LOXHD1: variants seen among roughly 807,000 people sequenced by gnomAD.
LOXHD1 encodes lipoxygenase homology domain-containing protein 1.
A neutral mutation model predicts 248.2 loss-of-function variants in LOXHD1; 205 were observed. That is an observed-to-expected ratio of 0.83 (90% CI 0.74 to 0.93). The LOEUF is 0.93. Ranked by LOEUF, LOXHD1 falls within the 40% of genes least tolerant of loss-of-function variation. LOXHD1 has a pLI of 0.00. For missense variants in LOXHD1, 2,930 were observed against 2,971.6 expected, an observed-to-expected ratio of 0.99 and a Z score of 0.33; for synonymous variants, 1,113 against 1,162.8, an observed-to-expected ratio of 0.96 and a Z score of 0.87.
At chr18:46,652,042 T>A (rs1443079340) in intron 1 of LOXHD1, among the ~76,000 whole-genome samples, 2 of 152,262 alleles carry the variant, frequency 1.3e-5, no homozygotes, top group African/African-American at 4.8e-5. Flanking sequence ...TACAACAGAA[T>A]GCTACTCAGC....
At chr18:46,527,004 G>C (rs2035857361) in intron 29 of LOXHD1, among the ~76,000 whole-genome samples, 1 of 152,106 alleles carries the variant, frequency 6.6e-6, no homozygotes, top group Non-Finnish European at 1.5e-5. Flanking sequence ...AGGTCACATG[G>C]TTAGTAACTG....
intron 4 of LOXHD1, among the ~76,000 whole-genome samples, chr18:46,618,870 T>C (rs2038627695): frequency 6.6e-6 from 1 of 152,244 alleles, no homozygotes. Context: ...CAATAGTGGC[T>C]GGCATGCTTA....
At chr18:46,514,850 G>T (rs904609105) in intron 34 of LOXHD1, among the ~76,000 whole-genome samples, 1 of 152,112 alleles carries the variant, frequency 6.6e-6, no homozygotes, top group African/African-American at 2.4e-5. Context: ...TTTACTTCCC[G>T]CTATAGAAAT....
At position 46,533,320 on chromosome 18, in the gene LOXHD1, G is replaced by A. The variant is rs146739496; in HGVS notation, c.4217C>T (p.Ala1406Val). Residue 1406 changes from alanine to valine, a missense_variant, in exon 28 of 41, where the codon GCA becomes GTA. Transcript: ENST00000642948. ...IRRLLPDKDG[A>V]ETLTFPCDRW... Reference sequence around the variant, plus strand: ...ATCGCATGGGAAAGTCAAGGTCTCTGCACCCTGGGGTGAGGCAGAAAAAGG... The same window carrying A: ...ATCGCATGGGAAAGTCAAGGTCTCTACACCCTGGGGTGAGGCAGAAAAAGG... 2.5e-3 allele frequency: 3,847 copies of A among 1,551,524 alleles called. 30 individuals are homozygous for A. Among genetic ancestry groups the A allele is most frequent in the South Asian group, 0.016 (1,330 of 84,006 alleles).
chr18:46,634,123 G>C (rs2038861996), intron 4 of LOXHD1, among the ~76,000 whole-genome samples: 1 of 152,172 alleles, frequency 6.6e-6, no homozygotes, highest in Non-Finnish European at 1.5e-5. Flanking sequence ...ACAAATATTT[G>C]TACGCCCATG....
intron 37 of LOXHD1, among the ~76,000 whole-genome samples, chr18:46,502,342 A>G (rs2034286326): frequency 6.6e-6 from 1 of 152,172 alleles, no homozygotes; most frequent in Non-Finnish European, 1.5e-5. Flanking sequence ...GTATGGGAGC[A>G]ACAGGGGAAG....
At chr18:46,483,810 G>C (rs566267445) in intron 39 of LOXHD1, 65 bp from the exon 40 acceptor site, 4 of 1,509,080 alleles carry the variant, frequency 2.7e-6, no homozygotes, top group South Asian at 1.3e-5. Flanking sequence ...AGCATTTGTC[G>C]GGGGCCTGCT....
intron 37 of LOXHD1, among the ~76,000 whole-genome samples, chr18:46,502,535 C>T (rs2034300480): frequency 6.6e-6 from 1 of 152,144 alleles, no homozygotes; most frequent in South Asian, 2.1e-4. Context: ...ATGTTTGTAG[C>T]AGGCCAGGTT....
At position 46,494,847 on chromosome 18, in the gene LOXHD1, C is replaced by CTTTTTTTTTTT. The variant is rs1256277774; in HGVS notation, c.5879-5706_5879-5705insAAAAAAAAAAA. Among the ~76,000 whole-genome samples the CTTTTTTTTTTT allele has an allele frequency of 3.3e-3, 371 of 113,290 alleles. 19 individuals are homozygous for CTTTTTTTTTTT. Among genetic ancestry groups the CTTTTTTTTTTT allele is most frequent in the Non-Finnish European group, 4.8e-3 (249 of 52,004 alleles). The allele number at this position is 113,290 out of a possible 152,430, so 74.3% of individuals were successfully genotyped here. Reference sequence around the variant, plus strand: ...ATTTTTCTTTCTCCTTTTTCTCTCTCTCTTTTTTTTTTTTTTTTTTTTTTG... The same window carrying CTTTTTTTTTTT: ...ATTTTTCTTTCTCCTTTTTCTCTCTCTTTTTTTTTTTTCTTTTTTTTTTTTTTTTTTTTTTG... On this transcript the variant is annotated intron_variant, in intron 37 of 40. Transcript: ENST00000642948.
intron 37 of LOXHD1, among the ~76,000 whole-genome samples, chr18:46,503,046 A>G (rs1387137545): frequency 6.6e-6 from 1 of 152,166 alleles, no homozygotes; most frequent in East Asian, 1.9e-4. Context: ...TTAAACTAAC[A>G]TTTATTAAGC....
Position 46,657,207 on chromosome 18 carries a change from C to T in LOXHD1, c.-174G>A, listed in dbSNP as rs1366278072. The T allele has an allele frequency of 2.0e-6, 2 of 1,011,516 alleles. No homozygotes were observed. The highest frequency in any genetic ancestry group is 2.8e-6 in the Non-Finnish European group (2 of 704,352). The allele number at this position is 1,011,516 out of a possible 1,614,324, so 62.7% of individuals were successfully genotyped here. A position where few individuals can be genotyped will look rare whatever the true frequency, so the allele number is the denominator to read the frequency against. On this transcript the variant is annotated 5_prime_UTR_variant, in exon 1 of 41. Transcript: ENST00000642948. The stretch of plus-strand genomic sequence containing the variant: ...CTTCCCCGTGCCCAAGGTGCTGTTC[C>T]CTCTGCCTTCTCTGGCTCCTGAGCT...
chr18:46,643,047 G>A (rs1045096662), intron 2 of LOXHD1, among the ~76,000 whole-genome samples: 3 of 152,188 alleles, frequency 2.0e-5, no homozygotes, highest in African/African-American at 7.2e-5. Flanking sequence ...TCTCCCCAAG[G>A]CATCAGGCTC....
intron 12 of LOXHD1, among the ~76,000 whole-genome samples, chr18:46,583,751 G>A (rs1355265887): frequency 6.6e-6 from 1 of 151,950 alleles, no homozygotes; most frequent in Non-Finnish European, 1.5e-5. Context: ...GTGCAAACTA[G>A]TATGGCCATT....
chr18:46,646,809 G>A (rs1357471764), intron 2 of LOXHD1, among the ~76,000 whole-genome samples: 1 of 152,146 alleles, frequency 6.6e-6, no homozygotes, highest in Non-Finnish European at 1.5e-5. Context: ...TTAAAGTCTC[G>A]CTCTAGCCAC....
intron 35 of LOXHD1, among the ~76,000 whole-genome samples, 166 bp from the exon 36 acceptor site, chr18:46,507,878 C>T (rs2034684744): frequency 6.6e-6 from 1 of 152,128 alleles, no homozygotes; most frequent in African/African-American, 2.4e-5. Context: ...CTTTCCAGGA[C>T]AAAGGCCCTG....
chr18:46,518,129 C>G lies in LOXHD1; in HGVS notation c.5399G>C (p.Arg1800Thr). Residue 1800 changes from arginine to threonine, a missense_variant and splice_region_variant, in exon 34 of 41, where the codon AGG becomes ACG. Coordinates refer to ENST00000642948, the MANE Select transcript of LOXHD1 (RefSeq NM_001384474.1). The stretch of plus-strand genomic sequence containing the variant: ...AGGGGCAGGGGCCGCCTCCAGGTAC[C>G]TGGCTTTCTTTTTGTCCAGCTGCAT... ...EEMQLDKKKA[R>T]FEREQNDTFI... is the part of the protein sequence containing the mutation. 6.4e-7 allele frequency: 1 copy of G among 1,551,558 alleles called. No homozygotes were observed. Among genetic ancestry groups the G allele is most frequent in the South Asian group, 1.2e-5 (1 of 84,048 alleles).
At chr18:46,606,619 A>G (rs915687826) in intron 6 of LOXHD1, among the ~76,000 whole-genome samples, 2 of 152,220 alleles carry the variant, frequency 1.3e-5, no homozygotes, top group African/African-American at 4.8e-5. Context: ...CCATCCCAAG[A>G]TATCTCATTA....
In LOXHD1 at chr18:46,545,334, C is replaced by G. The variant is rs1414293314; in HGVS notation, c.3602G>C (p.Gly1201Ala). ...TDANVFITLF[G>A]TQDDTGMTLL... is the part of the protein sequence containing the mutation. ...TTTCTTACCAGTGTCATCCTGTGTGCCAAAGAGTGTGATGAAGACATTAGC... is the reference window on the plus strand; with the variant it reads ...TTTCTTACCAGTGTCATCCTGTGTGGCAAAGAGTGTGATGAAGACATTAGC... Residue 1201 changes from glycine to alanine, a missense_variant, in exon 23 of 41, where the codon GGC becomes GCC. By Grantham distance (60) the Gly-to-Ala change is moderately conservative. Transcript: ENST00000642948. 4 of 1,551,420 alleles carry G rather than the reference C, an allele frequency of 2.6e-6. No individual in the cohort carries two copies. The highest frequency in any genetic ancestry group is 3.5e-6 in the Non-Finnish European group (4 of 1,146,812).
chr18:46,604,415 T>C (rs1266920206), intron 6 of LOXHD1, among the ~76,000 whole-genome samples, 186 bp from the exon 7 acceptor site: 1 of 152,192 alleles, frequency 6.6e-6, no homozygotes, highest in Non-Finnish European at 1.5e-5. Context: ...CTCAGAATCA[T>C]ACAGGGATGA....
Sources: gnomAD v4.1 joint callset for allele counts (sites outside exome capture counted in the v4.1 genomes callset) on GRCh38, gnomAD v4.1.1 for gene constraint, MANE v1.5 for transcripts, NCBI Gene and HGNC (gene_info 2026-07-23, HGNC 2026-07-21) for gene names.